Variants in PLCXD3 observed in about 807,000 individuals in gnomAD.
PLCXD3 encodes the protein PI-PLC X domain-containing protein 3.
PLCXD3 carries 19 observed loss-of-function variants against 25.5 expected under a neutral mutation model. That is an observed-to-expected ratio of 0.75 (90% CI 0.52 to 1.09). PLCXD3 has a LOEUF of 1.09. Among genes scored for constraint, PLCXD3 ranks in the 50% least tolerant of loss-of-function variants. The pLI is 0.00. For missense variants in PLCXD3, 411 were observed against 388.1 expected, an observed-to-expected ratio of 1.06 and a Z score of -0.50; for synonymous variants, 174 against 137.6, an observed-to-expected ratio of 1.26 and a Z score of -1.85.
intron 1 of PLCXD3, among the ~76,000 whole-genome samples, chr5:41,446,151 T>A (rs1469834682): frequency 8.9e-6 from 1 of 112,620 alleles, no homozygotes; most frequent in Non-Finnish European, 1.7e-5. Flanking sequence ...CACTCCAGTC[T>A]GGGCGACGGA....
At chr5:41,468,433 G>A (rs58186451) in intron 1 of PLCXD3, among the ~76,000 whole-genome samples, 1 of 152,064 alleles carries the variant, frequency 6.6e-6, no homozygotes, top group Admixed American at 6.6e-5. Flanking sequence ...ACTTTGATGA[G>A]AATTTCTTTG....
At chr5:41,453,649 A>G (rs934938917) in intron 1 of PLCXD3, among the ~76,000 whole-genome samples, 2 of 152,196 alleles carry the variant, frequency 1.3e-5, no homozygotes, top group African/African-American at 4.8e-5. Context: ...TATGTTTTAT[A>G]GAGAGGCCAG....
At chr5:41,390,526 T>G (rs1404112515) in intron 1 of PLCXD3, among the ~76,000 whole-genome samples, 3 of 152,142 alleles carry the variant, frequency 2.0e-5, no homozygotes, top group Non-Finnish European at 4.4e-5. Flanking sequence ...GTAATGTCAG[T>G]CTTTTTAGTA....
chr5:41,475,679 A>G (rs1748267666), intron 1 of PLCXD3: 1 of 534,628 alleles, frequency 1.9e-6, no homozygotes, highest in African/African-American at 1.9e-5. Flanking sequence ...GCTGTCTGCC[A>G]CAAGTACTAT....
chr5:41,482,508 T>C (rs1375425236), intron 1 of PLCXD3, among the ~76,000 whole-genome samples: 1 of 152,148 alleles, frequency 6.6e-6, no homozygotes, highest in Non-Finnish European at 1.5e-5. Context: ...GTATAATACA[T>C]TAGTCTGATA....
At chr5:41,392,021 G>A (rs1426461863) in intron 1 of PLCXD3, among the ~76,000 whole-genome samples, 2 of 152,092 alleles carry the variant, frequency 1.3e-5, no homozygotes, top group African/African-American at 2.4e-5. Flanking sequence ...TTTGAGTGCC[G>A]GCTCAGCTGC....
At chr5:41,346,731 A>T (rs1403548976) in intron 2 of PLCXD3, among the ~76,000 whole-genome samples, 1 of 152,244 alleles carries the variant, frequency 6.6e-6, no homozygotes, top group Non-Finnish European at 1.5e-5. Flanking sequence ...ACAGAATGTC[A>T]TATGGTTGAA....
intron 1 of PLCXD3, among the ~76,000 whole-genome samples, chr5:41,467,154 C>A (rs971864784): frequency 6.6e-6 from 1 of 152,172 alleles, no homozygotes; most frequent in East Asian, 1.9e-4. Context: ...AATGGCTACA[C>A]TAATTTACAT....
intron 1 of PLCXD3, among the ~76,000 whole-genome samples, chr5:41,448,032 A>G (rs529930063): frequency 1.2e-4 from 18 of 152,372 alleles, no homozygotes; most frequent in African/African-American, 3.8e-4. Context: ...AGAGAAGCCT[A>G]TTCTCAGGCT....
At chr5:41,347,734 G>C (rs1455250077) in intron 2 of PLCXD3, among the ~76,000 whole-genome samples, 1 of 152,142 alleles carries the variant, frequency 6.6e-6, no homozygotes, top group Non-Finnish European at 1.5e-5. Context: ...AATTGTCTCA[G>C]TCTTTCCCTA....
At chr5:41,438,956 T>C (rs1747318705) in intron 1 of PLCXD3, among the ~76,000 whole-genome samples, 2 of 152,228 alleles carry the variant, frequency 1.3e-5, no homozygotes, top group African/African-American at 4.8e-5. Flanking sequence ...AAAATACATT[T>C]ATCAAGGTGA....
chr5:41,438,468 G>A (rs1417843173), intron 1 of PLCXD3, among the ~76,000 whole-genome samples: 1 of 152,166 alleles, frequency 6.6e-6, no homozygotes, highest in Non-Finnish European at 1.5e-5. Context: ...GGAGAATGGG[G>A]TGGAACCAGG....
intron 1 of PLCXD3, among the ~76,000 whole-genome samples, chr5:41,425,268 A>C (rs1746927643): frequency 6.6e-6 from 1 of 151,886 alleles, no homozygotes; most frequent in Non-Finnish European, 1.5e-5. Flanking sequence ...AGTGTGTCTC[A>C]TATAATATAA....
rs1379441108 is a variant in PLCXD3 at position 41,312,616 on chromosome 5, T to C, written c.*1001A>G. 1 of 138,638 alleles carries C rather than the reference T, an allele frequency of 7.2e-6. No individual in the cohort carries two copies. The highest frequency in any genetic ancestry group is 1.6e-5 in the Non-Finnish European group (1 of 64,076). The allele number at this position is 138,638 out of a possible 1,614,324, so 8.6% of individuals were successfully genotyped here. A position where few individuals can be genotyped will look rare whatever the true frequency, so the allele number is the denominator to read the frequency against. Reference sequence around the variant, plus strand: ...CTTCCTTCCTTCCTCCCTTCCTTCCTTCCTCCCGTCCTTCCTTCTGTCCTT... The same window carrying C: ...CTTCCTTCCTTCCTCCCTTCCTTCCCTCCTCCCGTCCTTCCTTCTGTCCTT... On this transcript the variant is annotated 3_prime_UTR_variant, in exon 3 of 3. Transcript: ENST00000377801.
At chr5:41,371,154 C>A (rs1235151228) in intron 2 of PLCXD3, among the ~76,000 whole-genome samples, 1 of 152,152 alleles carries the variant, frequency 6.6e-6, no homozygotes, top group Non-Finnish European at 1.5e-5. Flanking sequence ...TGCATAGAAA[C>A]AGCCTCGACT....
At chr5:41,478,482 C>A (rs1340198277) in intron 1 of PLCXD3, among the ~76,000 whole-genome samples, 1 of 152,158 alleles carries the variant, frequency 6.6e-6, no homozygotes, top group African/African-American at 2.4e-5. Flanking sequence ...TTATCTAAAA[C>A]ATCATTAATA....
intron 2 of PLCXD3, among the ~76,000 whole-genome samples, chr5:41,375,193 C>A (rs1490223460): frequency 2.0e-5 from 3 of 151,420 alleles, no homozygotes; most frequent in Admixed American, 6.6e-5. Context: ...GAGAGAGAGC[C>A]CAGAGAAAGT....
At chr5:41,468,457 C>T (rs1477771042) in intron 1 of PLCXD3, among the ~76,000 whole-genome samples, 1 of 152,098 alleles carries the variant, frequency 6.6e-6, no homozygotes, top group Non-Finnish European at 1.5e-5. Context: ...CTGTAGATTG[C>T]TTTTGGTGGT....
chr5:41,365,777 T>A (rs1744916807), intron 2 of PLCXD3, among the ~76,000 whole-genome samples: 1 of 152,152 alleles, frequency 6.6e-6, no homozygotes, highest in Non-Finnish European at 1.5e-5. Flanking sequence ...TTTTTAGTAT[T>A]GTATCTGCTT....
Sources: gnomAD v4.1 joint callset for allele counts (sites outside exome capture counted in the v4.1 genomes callset) on GRCh38, gnomAD v4.1.1 for gene constraint, MANE v1.5 for transcripts, NCBI Gene and HGNC (gene_info 2026-07-23, HGNC 2026-07-21) for gene names.